Variants in WSB1 observed in about 807,000 individuals in gnomAD.
The protein encoded by WSB1 is WD repeat and SOCS box-containing protein 1.
WSB1 carries 23 observed loss-of-function variants against 50.2 expected under a neutral mutation model. The observed-to-expected ratio is 0.46, with a 90% CI of 0.33 to 0.65. The LOEUF is 0.65. Ranked by LOEUF, WSB1 falls within the 30% of genes least tolerant of loss-of-function variation. The probability of loss-of-function intolerance (pLI) is 0.02; values close to 1 mark genes in which losing one functional copy is unlikely to be tolerated. For missense variants in WSB1, 492 were observed against 522.3 expected (o/e 0.94, Z 0.56); for synonymous variants, 179 against 172.0 (o/e 1.04, Z -0.32).
In WSB1 at chr17:27,294,275, C is replaced by G. The variant is rs902297482; in HGVS notation, c.-121C>G. ...AGAAGCCGCAGCGGCCGCCCCCGCC[C>G]GTCTCCTCTGTCCCTGGGCCCGGGA... On this transcript the variant is annotated 5_prime_UTR_variant, in exon 1 of 9. Coordinates refer to ENST00000262394, the MANE Select transcript of WSB1 (RefSeq NM_015626.10). 14 of 1,371,314 alleles carry G rather than the reference C, an allele frequency of 1.0e-5. No individual in the cohort carries two copies. The highest frequency in any genetic ancestry group is 7.3e-5 in the East Asian group (3 of 40,978). The allele number at this position is 1,371,314 out of a possible 1,614,324, so 84.9% of individuals were successfully genotyped here.
intron 7 of WSB1, 31 bp from the exon 8 acceptor site, chr17:27,311,478 C>A: frequency 6.4e-7 from 1 of 1,553,952 alleles, no homozygotes; most frequent in Non-Finnish European, 8.7e-7. Flanking sequence ...ACATTTTCTA[C>A]AAGATACTAA....
intron 1 of WSB1, among the ~76,000 whole-genome samples, chr17:27,300,847 A>T (rs1295407503): frequency 6.6e-6 from 1 of 151,682 alleles, no homozygotes; most frequent in Non-Finnish European, 1.5e-5. Context: ...ACTCCAGCAT[A>T]CCACCATGCC....
chr17:27,312,384 C>A lies in WSB1; in HGVS notation c.*15C>A. On this transcript the variant is annotated 3_prime_UTR_variant, in exon 9 of 9. Transcript: ENST00000262394. ...ATCGTATTTAGAAGATTCTGCCTTCCCTAGTAGTAGGGACTGACAGAATAC... is the reference window on the plus strand; with the variant it reads ...ATCGTATTTAGAAGATTCTGCCTTCACTAGTAGTAGGGACTGACAGAATAC... 1 of 1,613,510 alleles carries A rather than the reference C, an allele frequency of 6.2e-7. No individual in the cohort carries two copies. Among genetic ancestry groups the A allele is most frequent in the South Asian group, 1.1e-5 (1 of 90,956 alleles).
At chr17:27,311,373 GTTA>G (rs2017669954) in intron 7 of WSB1, 133 bp from the exon 8 acceptor site, 1 of 586,078 alleles carries the variant, frequency 1.7e-6, no homozygotes, top group South Asian at 2.6e-5. Flanking sequence ...TATAAAGCAA[GTTA>G]TTATAATTGC....
intron 2 of WSB1, 23 bp from the exon 3 acceptor site, chr17:27,303,344 C>G (rs2017312065): frequency 2.5e-6 from 4 of 1,609,420 alleles, no homozygotes; most frequent in Non-Finnish European, 3.4e-6. Context: ...AATACAATTT[C>G]CATCTGACTT....
At chr17:27,298,605 C>T (rs1270133679) in intron 1 of WSB1, among the ~76,000 whole-genome samples, 1 of 152,010 alleles carries the variant, frequency 6.6e-6, no homozygotes, top group Non-Finnish European at 1.5e-5. Context: ...CTAATCTGAG[C>T]ACTTTGGGAG....
chr17:27,303,801 A>G, intron 3 of WSB1, 166 bp downstream of exon 3: 1 of 811,260 alleles, frequency 1.2e-6, no homozygotes, highest in Non-Finnish European at 1.9e-6. Flanking sequence ...TCAGCTCATG[A>G]TTTTAATTTA....
intron 5 of WSB1, chr17:27,307,337 T>G: frequency 9.0e-6 from 2 of 222,872 alleles, no homozygotes; most frequent in Non-Finnish European, 1.8e-5. Flanking sequence ...GTCCTACAGT[T>G]ATAGGTGAAA....
In WSB1 at chr17:27,311,573, C is replaced by T; in HGVS notation, c.1063C>T (p.Leu355Phe). 1.3e-6 allele frequency: 2 copies of T among 1,595,926 alleles called. No individual in the cohort carries two copies. Among genetic ancestry groups the T allele is most frequent in the Non-Finnish European group, 1.7e-6 (2 of 1,171,646 alleles). Reference protein sequence around the residue: ...PVQVAPLSNGLCCAFSTDGSV... With the variant: ...PVQVAPLSNGFCCAFSTDGSV... The stretch of plus-strand genomic sequence containing the variant: ...GCAAGTTGCACCTTTGAGCAATGGT[C>T]TTTGCTGTGCCTTCTCTACTGATGG... Residue 355 changes from leucine (L) to phenylalanine (F), a missense_variant, in exon 8 of 9, where the codon CTT becomes TTT. Leu to Phe is a conservative substitution (Grantham distance 22, BLOSUM62 0). Transcript: ENST00000262394.
intron 2 of WSB1, chr17:27,303,157 T>G (rs1174044378): frequency 1.3e-5 from 7 of 527,768 alleles, no homozygotes; most frequent in East Asian, 1.3e-4. Context: ...ATTGTTGAAC[T>G]TACTACTCAG....
At chr17:27,311,196 T>G (rs1318728509) in intron 7 of WSB1, among the ~76,000 whole-genome samples, 1 of 152,036 alleles carries the variant, frequency 6.6e-6, no homozygotes, top group Non-Finnish European at 1.5e-5. Flanking sequence ...AGACTAGAAG[T>G]TGATTGTATT....
In WSB1 at chr17:27,303,093, C is replaced by T. The variant is rs181111740; in HGVS notation, c.210-274C>T. On this transcript the variant is annotated intron_variant, in intron 2 of 8. Coordinates refer to ENST00000262394, the MANE Select transcript of WSB1 (RefSeq NM_015626.10). ...TAGGTTGAAGGAGCACCAGTTGATTCGGTGGTTTTGAGGAAAATTTGGGAG... is the reference window on the plus strand; with the variant it reads ...TAGGTTGAAGGAGCACCAGTTGATTTGGTGGTTTTGAGGAAAATTTGGGAG... The T allele has an allele frequency of 7.0e-4, 199 of 284,850 alleles. 3 individuals are homozygous for T. In the Admixed American group the frequency reaches 9.4e-3, roughly 13 times the overall value. 17.6% of individuals were successfully genotyped at this position (284,850 alleles called of 1,614,324 possible).
chr17:27,310,709 A>G (rs534916558), intron 7 of WSB1, among the ~76,000 whole-genome samples: 122 of 150,692 alleles, frequency 8.1e-4, no homozygotes, highest in Non-Finnish European at 1.5e-3. Flanking sequence ...TAGCAAACAT[A>G]TGGAGAGAGG....
chr17:27,314,618 T>C lies in WSB1; in HGVS notation c.*2249T>C, dbSNP rs1409559774. On this transcript the variant is annotated 3_prime_UTR_variant, in exon 9 of 9. Coordinates refer to ENST00000262394, the MANE Select transcript of WSB1 (RefSeq NM_015626.10). ...TTTCATATCATTGCATTATTTTTGC[T>C]TTCCACACCAACATATCCAGTCAAG... The C allele has an allele frequency of 6.6e-6, 1 of 152,216 alleles. No individual in the cohort carries two copies. The highest frequency in any genetic ancestry group is 1.5e-5 in the Non-Finnish European group (1 of 68,046). The allele number at this position is 152,216 out of a possible 1,614,324, so 9.4% of individuals were successfully genotyped here.
chr17:27,302,027 TAAA>T, intron 2 of WSB1, 71 bp downstream of exon 2: 1 of 1,424,514 alleles, frequency 7.0e-7, no homozygotes, highest in Non-Finnish European at 9.3e-7. Context: ...TGTAGGGTAA[TAAA>T]AACATTTTGA....
chr17:27,302,056 T>G (rs2017253047), intron 2 of WSB1, 100 bp downstream of exon 2: 2 of 1,322,794 alleles, frequency 1.5e-6, no homozygotes, highest in Admixed American at 2.7e-5. Flanking sequence ...AAGTTTTACT[T>G]TATAGATGAT....
Position 27,303,827 on chromosome 17 carries a change from T to A in WSB1, c.478+192T>A, listed in dbSNP as rs1012447978. On this transcript the variant is annotated intron_variant, in intron 3 of 8. Transcript: ENST00000262394. ...TTTTAATTTAGGAAAACTATGGAGT[T>A]CATATTGCTTCATCACTCTTTAGAG... 7.9e-6 allele frequency: 5 copies of A among 633,806 alleles called. No individual in the cohort carries two copies. The Admixed American group carries it at 1.2e-4, about 16-fold the overall frequency. The allele number at this position is 633,806 out of a possible 1,614,324, so 39.3% of individuals were successfully genotyped here.
rs538261105 is a variant in WSB1 at position 27,297,486 on chromosome 17, T to G, written c.40+3051T>G. Among the ~76,000 whole-genome samples, 1,385 of 150,580 alleles carry G rather than the reference T, an allele frequency of 9.2e-3. 13 individuals are homozygous for G. Among genetic ancestry groups the G allele is most frequent in the Non-Finnish European group, 0.015 (1,018 of 67,436 alleles). ...CCCCGGCCTACTCTTTTTTTTTTTT[T>G]AGACAGAGTCTTGCTCTATCACCCA... On this transcript the variant is annotated intron_variant, in intron 1 of 8. Coordinates refer to ENST00000262394, the MANE Select transcript of WSB1 (RefSeq NM_015626.10).
intron 5 of WSB1, chr17:27,307,833 C>T (rs889168525): frequency 2.0e-6 from 3 of 1,510,810 alleles, no homozygotes; most frequent in Non-Finnish European, 2.6e-6. Flanking sequence ...GAAAGAGTGG[C>T]ATCTCTGGCT....
Sources: gnomAD v4.1 joint callset for allele counts (sites outside exome capture counted in the v4.1 genomes callset) on GRCh38, gnomAD v4.1.1 for gene constraint, MANE v1.5 for transcripts, NCBI Gene and HGNC (gene_info 2026-07-23, HGNC 2026-07-21) for gene names.